TMEM114: variants seen among roughly 807,000 people sequenced by gnomAD.
The protein encoded by TMEM114 is transmembrane protein 114.
A neutral mutation model predicts 6.2 loss-of-function variants in TMEM114; 6 were observed. That is an observed-to-expected ratio of 0.97 (90% CI 0.53 to 1.91). The LOEUF (loss-of-function observed/expected upper bound fraction) is 1.91, where lower values mean the gene tolerates loss of function less well. TMEM114 is among the 40% of genes most tolerant of loss of function. The pLI is 0.01. For synonymous variants in TMEM114, 104 were observed against 73.0 expected (o/e 1.42, Z -2.16); for missense variants, 218 against 158.3 (o/e 1.38, Z -2.02).
At chr16:8,548,134 C>A (rs1304536593) in intron 2 of TMEM114, among the ~76,000 whole-genome samples, 1 of 152,194 alleles carries the variant, frequency 6.6e-6, no homozygotes, top group African/African-American at 2.4e-5. Flanking sequence ...GTTACTTAGA[C>A]ACCGTGAGTT....
intron 2 of TMEM114, among the ~76,000 whole-genome samples, chr16:8,563,397 G>A (rs1596479580): frequency 6.8e-6 from 1 of 148,026 alleles, no homozygotes; most frequent in Non-Finnish European, 1.5e-5. Context: ...GAGTGAATGA[G>A]TAAACGAGTG....
At chr16:8,528,506 T>G in the TMEM114 span, among the ~76,000 whole-genome samples, 1 of 152,220 alleles carries the variant, frequency 6.6e-6, no homozygotes, top group East Asian at 1.9e-4. Context: ...GGGGAGCATC[T>G]CCTGGAAGCC....
intron 2 of TMEM114, among the ~76,000 whole-genome samples, chr16:8,575,788 G>T (rs1901901866): frequency 6.6e-6 from 1 of 152,164 alleles, no homozygotes; most frequent in African/African-American, 2.4e-5. Flanking sequence ...AGTGTTCATT[G>T]TTATTGTTTC....
the TMEM114 span, among the ~76,000 whole-genome samples, chr16:8,529,381 A>C: frequency 1.3e-5 from 2 of 152,190 alleles, no homozygotes; most frequent in Non-Finnish European, 2.9e-5. Context: ...CCATTAGTGG[A>C]AATGGCTCTT....
At chr16:8,570,978 A>G (rs1009717129) in intron 3 of TMEM114, among the ~76,000 whole-genome samples, 1 of 152,206 alleles carries the variant, frequency 6.6e-6, no homozygotes, top group Non-Finnish European at 1.5e-5. Flanking sequence ...AGAATTTGTC[A>G]CTGGGTGAAC....
At chr16:8,528,103 G>T in the TMEM114 span, among the ~76,000 whole-genome samples, 6 of 152,030 alleles carry the variant, frequency 3.9e-5, no homozygotes, top group Admixed American at 3.3e-4. Context: ...ATTTCGCCAT[G>T]CTGCCCAGGC....
chr16:8,544,415 TA>T (rs1900599735), intron 2 of TMEM114, among the ~76,000 whole-genome samples: 1 of 152,016 alleles, frequency 6.6e-6, no homozygotes, highest in Non-Finnish European at 1.5e-5. Context: ...TACTGGGAAG[TA>T]AAGGGGGTGA....
At chr16:8,543,808 C>T (rs1364948750) in intron 2 of TMEM114, among the ~76,000 whole-genome samples, 2 of 152,142 alleles carry the variant, frequency 1.3e-5, no homozygotes, top group Non-Finnish European at 2.9e-5. Flanking sequence ...AGAAAATGTG[C>T]TGAAAGAATA....
chr16:8,528,722 T>C, the TMEM114 span, among the ~76,000 whole-genome samples: 5 of 152,242 alleles, frequency 3.3e-5, no homozygotes, highest in Non-Finnish European at 7.3e-5. Context: ...AACTTTCTTC[T>C]TTATAAAGCA....
At position 8,588,035 on chromosome 16, in the gene TMEM114, C is replaced by T. The variant is rs1902369129; in HGVS notation, c.301+1178G>A. Among the ~76,000 whole-genome samples, 3 of 152,196 alleles carry T rather than the reference C, an allele frequency of 2.0e-5. No individual in the cohort carries two copies. In the South Asian group the frequency reaches 6.2e-4, roughly 32 times the overall value. On this transcript the variant is annotated intron_variant, in intron 2 of 3. Coordinates refer to ENST00000620492, the MANE Select transcript of TMEM114 (RefSeq NM_001146336.2). ...ATGCAGTGGCTCACACCTGTAATCCCAGCACTTTGGAAGGCTGAGATGGGC... is the reference window on the plus strand; with the variant it reads ...ATGCAGTGGCTCACACCTGTAATCCTAGCACTTTGGAAGGCTGAGATGGGC...
chr16:8,536,631 T>C (rs79363762), downstream of TMEM114, among the ~76,000 whole-genome samples: 6,414 of 152,298 alleles, frequency 0.042, 280 homozygotes, highest in Non-Finnish European at 0.054. Flanking sequence ...GTTCAGATGC[T>C]TATTCTTTTT....
At chr16:8,575,524 C>A (rs1901891800) in intron 2 of TMEM114, among the ~76,000 whole-genome samples, 2 of 152,196 alleles carry the variant, frequency 1.3e-5, no homozygotes, top group African/African-American at 4.8e-5. Context: ...CTGGTCACCA[C>A]ACTTCTCCGT....
chr16:8,588,143 C>T (rs1320702591), intron 2 of TMEM114, among the ~76,000 whole-genome samples: 3 of 151,906 alleles, frequency 2.0e-5, no homozygotes, highest in African/African-American at 7.2e-5. Flanking sequence ...AAAAATTAGC[C>T]CGACGTGGAG....
In TMEM114 at chr16:8,577,591, G is replaced by GTT. The variant is rs71396283; in HGVS notation, c.302-5369_302-5368dup. On this transcript the variant is annotated intron_variant, in intron 2 of 3. Transcript: ENST00000620492. ...TTTTTGATTTTGTTTTTTGTTTTTT[G>GTT]TTTTTTTTTTGAGATTGAGTCTCGC... 3.9e-4 allele frequency among the ~76,000 whole-genome samples: 57 copies of GTT among 146,858 alleles called. No homozygotes were observed. In the Middle Eastern group the frequency reaches 0.014, roughly 36 times the overall value.
At chr16:8,575,568 C>T (rs144354492) in intron 2 of TMEM114, among the ~76,000 whole-genome samples, 1 of 152,316 alleles carries the variant, frequency 6.6e-6, no homozygotes, top group African/African-American at 2.4e-5. Flanking sequence ...GCAACACCTG[C>T]CACCTATGCT....
chr16:8,562,673 G>GAAT (rs1901299090), intron 2 of TMEM114, among the ~76,000 whole-genome samples: 2 of 138,416 alleles, frequency 1.4e-5, no homozygotes, highest in African/African-American at 5.7e-5. Flanking sequence ...AATTAGTGAG[G>GAAT]GAATGAGTGA....
At position 8,572,120 on chromosome 16, in the gene TMEM114, G is replaced by A; in HGVS notation, c.406C>T (p.Leu136Phe). 6 of 1,551,416 alleles carry A rather than the reference G, an allele frequency of 3.9e-6. No individual in the cohort carries two copies. The highest frequency in any genetic ancestry group is 1.4e-5 in the African/African-American group (1 of 73,138). The change falls in exon 3 of 4, where the codon CTC (leucine) becomes TTC (phenylalanine). Residue 136 changes from leucine to phenylalanine, a missense_variant. Transcript: ENST00000620492. ...AGGAAGAGAATTCCAGTGAGCAGGA[G>A]GAGGAGGTAGGCTTGGAGGAGGAAG... is the stretch of plus-strand genomic sequence containing the variant. ...LSFLLQAYLL[L>F]LLTGILFLFG...
At chr16:8,569,353 G>C (rs576418822), downstream of TMEM114, 2 of 644,754 alleles carry the variant, frequency 3.1e-6, no homozygotes, top group Non-Finnish European at 3.9e-6. Context: ...GAGCTCCCCA[G>C]AGAGAGCTGA....
intron 2 of TMEM114, among the ~76,000 whole-genome samples, chr16:8,561,066 T>C (rs1567201421): frequency 6.6e-6 from 1 of 152,052 alleles, no homozygotes; most frequent in Non-Finnish European, 1.5e-5. Context: ...GAGAACAGTA[T>C]GGGGGAAACT....
Sources: gnomAD v4.1 joint callset for allele counts (sites outside exome capture counted in the v4.1 genomes callset) on GRCh38, gnomAD v4.1.1 for gene constraint, MANE v1.5 for transcripts, NCBI Gene and HGNC (gene_info 2026-07-23, HGNC 2026-07-21) for gene names.